Variants in SGCD observed in about 807,000 individuals in gnomAD.
The protein encoded by SGCD is sarcoglycan delta.
Under a neutral mutation model 36.6 loss-of-function variants are expected in SGCD, and 18 were observed. The ratio of observed to expected loss-of-function variants is 0.49; its 90% CI spans 0.34 to 0.73. SGCD has a LOEUF of 0.73. Among genes scored for constraint, SGCD ranks in the 30% least tolerant of loss-of-function variants. SGCD has a pLI of 0.01. For synonymous variants in SGCD, 133 were observed against 130.6 expected (o/e 1.02, Z -0.12); for missense variants, 387 against 346.7 (o/e 1.12, Z -0.92).
chr5:156,109,874 C>T (rs1157323104), intron 1 of SGCD, among the ~76,000 whole-genome samples: 1 of 152,130 alleles, frequency 6.6e-6, no homozygotes, highest in Non-Finnish European at 1.5e-5. Context: ...AGGTATTTGC[C>T]AAATTAGGTA....
chr5:156,338,753 C>T (rs960271528), intron 2 of SGCD, among the ~76,000 whole-genome samples: 2 of 152,008 alleles, frequency 1.3e-5, no homozygotes, highest in African/African-American at 2.4e-5. Context: ...GTGTTGAGCC[C>T]TGATGAGGCT....
chr5:156,421,349 G>A (rs1285324017), intron 3 of SGCD, among the ~76,000 whole-genome samples: 3 of 152,076 alleles, frequency 2.0e-5, no homozygotes, highest in African/African-American at 7.2e-5. Context: ...CACTTTGACA[G>A]CGTGGATTTG....
At chr5:156,312,994 T>G (rs1260070585) in intron 3 of SGCD, among the ~76,000 whole-genome samples, 1 of 152,090 alleles carries the variant, frequency 6.6e-6, no homozygotes, top group Non-Finnish European at 1.5e-5. Flanking sequence ...CAATCCATAT[T>G]TGTTTTGTTT....
At chr5:156,286,319 A>G (rs966770647) in intron 3 of SGCD, among the ~76,000 whole-genome samples, 9 of 152,330 alleles carry the variant, frequency 5.9e-5, no homozygotes, top group Middle Eastern at 6.8e-3. Flanking sequence ...CCATCCCATT[A>G]CTGGGTATAT....
At chr5:156,130,925 C>T (rs1369840259) in intron 3 of SGCD, among the ~76,000 whole-genome samples, 1 of 152,078 alleles carries the variant, frequency 6.6e-6, no homozygotes, top group Admixed American at 6.6e-5. Flanking sequence ...GACGGGGTTT[C>T]ACCACGTTGG....
intron 1 of SGCD, among the ~76,000 whole-genome samples, chr5:156,019,243 G>A (rs1457212039): frequency 1.3e-5 from 2 of 152,178 alleles, no homozygotes; most frequent in East Asian, 3.8e-4. Flanking sequence ...TTCAAAAACT[G>A]TAGTTAAAAT....
chr5:156,564,050 C>T (rs1374757539), intron 4 of SGCD, among the ~76,000 whole-genome samples: 1 of 152,200 alleles, frequency 6.6e-6, no homozygotes, highest in Non-Finnish European at 1.5e-5. Flanking sequence ...ATCAGTCGGT[C>T]AGTTGGTTGG....
intron 1 of SGCD, among the ~76,000 whole-genome samples, chr5:155,893,717 G>T (rs1756185650): frequency 6.6e-6 from 1 of 152,164 alleles, no homozygotes; most frequent in African/African-American, 2.4e-5. Context: ...TATTAAATAA[G>T]ATGGCACAGT....
chr5:156,625,843 T>G (rs1391633033), intron 6 of SGCD, among the ~76,000 whole-genome samples: 3 of 152,170 alleles, frequency 2.0e-5, no homozygotes, highest in African/African-American at 7.2e-5. Flanking sequence ...TGAAAGGAAC[T>G]CCTGTTTCAT....
chr5:156,169,514 A>C (rs560649271), intron 3 of SGCD, among the ~76,000 whole-genome samples: 1 of 152,340 alleles, frequency 6.6e-6, no homozygotes, highest in Non-Finnish European at 1.5e-5. Flanking sequence ...TGAATCAAAA[A>C]TTGAGTATCT....
chr5:155,843,425 G>T, the SGCD span, among the ~76,000 whole-genome samples: 8 of 151,244 alleles, frequency 5.3e-5, no homozygotes, highest in African/African-American at 2.0e-4. Context: ...CACACACACT[G>T]ATACTCACGC....
At chr5:155,802,578 T>C in the SGCD span, among the ~76,000 whole-genome samples, 1 of 152,192 alleles carries the variant, frequency 6.6e-6, no homozygotes. Context: ...CAGACACAGT[T>C]ATTATTGCTT....
At chr5:156,464,311 C>A (rs562525294) in intron 3 of SGCD, among the ~76,000 whole-genome samples, 4 of 150,368 alleles carry the variant, frequency 2.7e-5, no homozygotes, top group African/African-American at 9.8e-5. Flanking sequence ...ACCTGTGCCT[C>A]CCAGGTTCAA....
chr5:156,290,350 T>C (rs1311734921), intron 3 of SGCD, among the ~76,000 whole-genome samples: 1 of 152,168 alleles, frequency 6.6e-6, no homozygotes, highest in African/African-American at 2.4e-5. Flanking sequence ...ATTATGTTCA[T>C]AAGTTAACTG....
At chr5:155,757,254 C>T in the SGCD span, among the ~76,000 whole-genome samples, 2 of 152,158 alleles carry the variant, frequency 1.3e-5, no homozygotes. Flanking sequence ...TCTATAATAA[C>T]AATGAGCCAG....
intron 1 of SGCD, among the ~76,000 whole-genome samples, chr5:155,982,144 G>A (rs1172665028): frequency 2.0e-4 from 30 of 152,096 alleles, no homozygotes; most frequent in Admixed American, 1.9e-3. Context: ...CATTGTGATA[G>A]GTGCCTTGAA....
rs796378323 is a variant in SGCD at position 156,279,829 on chromosome 5, A to G, written c.-43-49705A>G. Among the ~76,000 whole-genome samples, 62 of 152,256 alleles carry G rather than the reference A, an allele frequency of 4.1e-4. 1 individual carries two copies. The highest frequency in any genetic ancestry group is 1.4e-3 in the African/African-American group (60 of 41,568). On this transcript the variant is annotated intron_variant, in intron 3 of 9. Coordinates refer to the SGCD transcript ENST00000517913. ...TCCAGGAAGCTACACAGAGGTGAGT[A>G]CAGTTTTGTACAAAATTCAGGCAAA... is the stretch of plus-strand genomic sequence containing the variant.
rs1334045789 is a variant in SGCD, at chr5:156,763,449, AC to A, written c.*4060del. On this transcript the variant is annotated 3_prime_UTR_variant, in exon 9 of 9. Coordinates refer to ENST00000337851, the MANE Select transcript of SGCD (RefSeq NM_000337.6). ...ATTGGAAAAAGCAAAATACATGGGG[AC>A]AAAAAAAATACAGTGAAATTCTTTT... 6.6e-6 allele frequency: 1 copy of A among 152,670 alleles called. No individual in the cohort carries two copies. Among genetic ancestry groups the A allele is most frequent in the Admixed American group, 6.5e-5 (1 of 15,282 alleles). 9.5% of individuals were successfully genotyped at this position (152,670 alleles called of 1,614,324 possible).
At chr5:155,835,792 T>C in the SGCD span, among the ~76,000 whole-genome samples, 18 of 152,274 alleles carry the variant, frequency 1.2e-4, 1 homozygote, top group African/African-American at 4.3e-4. Context: ...TGTCCAAAAG[T>C]ATTAAAATGG....
Sources: allele counts gnomAD v4.1 joint callset (sites outside exome capture counted in the v4.1 genomes callset), GRCh38; gene constraint gnomAD v4.1.1; transcripts MANE v1.5; gene names NCBI Gene and HGNC (gene_info 2026-07-23, HGNC 2026-07-21).